Variants in IL5RA observed in about 807,000 individuals in gnomAD.
IL5RA encodes the protein interleukin-5 receptor subunit alpha.
Under a neutral mutation model 50.0 loss-of-function variants are expected in IL5RA, and 49 were observed. That is an observed-to-expected ratio of 0.98 (90% CI 0.78 to 1.24). The LOEUF (loss-of-function observed/expected upper bound fraction) is 1.24, where lower values mean the gene tolerates loss of function less well. Ranked by LOEUF, IL5RA falls within the 50% of genes most tolerant of loss-of-function variation. The pLI, the probability that IL5RA is intolerant of heterozygous loss-of-function variation, is 0.00. For synonymous variants in IL5RA, 202 were observed against 174.0 expected (o/e 1.16, Z -1.26); for missense variants, 600 against 500.4 (o/e 1.20, Z -1.90).
At position 3,101,738 on chromosome 3, in the gene IL5RA, T is replaced by C. The variant is rs775023888; in HGVS notation, c.321A>G (p.Ser107=). Residue 107 remains serine (S), a synonymous_variant, in exon 5 of 12, where the codon TCA becomes TCG. Transcript: ENST00000446632. ...SVRTILQNDH[S]LLASSWASAE... ...CAGAAGCCCAGCTGCTGGCCAGTAG[T>C]GAGTGGTCGTTCTGCAGGATGGTCC... The C allele has an allele frequency of 1.2e-5, 19 of 1,614,166 alleles. No homozygotes were observed. Among genetic ancestry groups the C allele is most frequent in the Non-Finnish European group, 1.6e-5 (19 of 1,179,992 alleles).
At chr3:3,095,811 C>T (rs1703335108) in intron 7 of IL5RA, among the ~76,000 whole-genome samples, 1 of 152,108 alleles carries the variant, frequency 6.6e-6, no homozygotes, top group South Asian at 2.1e-4. Flanking sequence ...GAACATTTCC[C>T]TGGACCTTCC....
chr3:3,077,037 C>G (rs1337717252), intron 9 of IL5RA, among the ~76,000 whole-genome samples: 2 of 152,126 alleles, frequency 1.3e-5, no homozygotes, highest in Non-Finnish European at 2.9e-5. Context: ...GCATCACAAT[C>G]AAAATACAAA....
intron 10 of IL5RA, among the ~76,000 whole-genome samples, chr3:3,075,863 G>C (rs997719903): frequency 6.6e-6 from 1 of 152,144 alleles, no homozygotes; most frequent in African/African-American, 2.4e-5. Flanking sequence ...GCCTCCCAAA[G>C]TGCTGGGATT....
intron 10 of IL5RA, among the ~76,000 whole-genome samples, chr3:3,075,212 T>TTC (rs1475794450): frequency 6.9e-6 from 1 of 144,500 alleles, no homozygotes; most frequent in African/African-American, 2.6e-5. Context: ...ACTTTTTTTT[T>TTC]TTTTTTTTTT....
chr3:3,103,203 C>T (rs1167077736), intron 3 of IL5RA, among the ~76,000 whole-genome samples: 3 of 152,192 alleles, frequency 2.0e-5, no homozygotes, highest in African/African-American at 7.2e-5. Context: ...TTCTTCAAAA[C>T]TGTTTTTAAT....
intron 7 of IL5RA, among the ~76,000 whole-genome samples, chr3:3,095,671 A>G (rs1053012501): frequency 6.6e-6 from 1 of 152,120 alleles, no homozygotes; most frequent in Non-Finnish European, 1.5e-5. Flanking sequence ...TGGAAACTAC[A>G]AGGATTACTA....
intron 11 of IL5RA, among the ~76,000 whole-genome samples, chr3:3,074,024 CA>C (rs1702391027): frequency 3.3e-5 from 5 of 152,262 alleles, no homozygotes; most frequent in South Asian, 4.1e-4. Context: ...ACAGAAATGC[CA>C]AGGCAATTCA....
At chr3:3,104,765 C>T in intron 3 of IL5RA, 138 bp downstream of exon 3, 1 of 498,140 alleles carries the variant, frequency 2.0e-6, no homozygotes, top group Non-Finnish European at 3.6e-6. Context: ...AAGCATCTGT[C>T]TTCTGATGGG....
chr3:3,098,343 T>G (rs1703462769), intron 5 of IL5RA, 53 bp from the exon 6 acceptor site: 2 of 1,495,858 alleles, frequency 1.3e-6, no homozygotes, highest in South Asian at 2.3e-5. Flanking sequence ...AACTCTGAAT[T>G]TCATGCTTCT....
intron 2 of IL5RA, among the ~76,000 whole-genome samples, chr3:3,107,073 T>G (rs1703957874): frequency 6.6e-6 from 1 of 152,116 alleles, no homozygotes; most frequent in Admixed American, 6.6e-5. Context: ...AATAGAATTG[T>G]TTTTCAAATT....
rs1702235588 is a variant in IL5RA, at chr3:3,069,736, C to T, written c.*489G>A. The T allele has an allele frequency of 6.5e-6, 1 of 154,022 alleles. No homozygotes were observed. Among genetic ancestry groups the T allele is most frequent in the Non-Finnish European group, 1.4e-5 (1 of 69,382 alleles). The allele number at this position is 154,022 out of a possible 1,614,324, so 9.5% of individuals were successfully genotyped here. On this transcript the variant is annotated 3_prime_UTR_variant, in exon 12 of 12. Transcript: ENST00000446632. ...GGGGGTGAGGAATTTGTGGCTCTCA[C>T]TTGCTATAGAAAAGACAGTCTTGAA...
chr3:3,101,627 T>C, intron 5 of IL5RA, 65 bp downstream of exon 5: 1 of 1,547,848 alleles, frequency 6.5e-7, no homozygotes, highest in Non-Finnish European at 8.8e-7. Context: ...AGTGTTAATT[T>C]TTCTACTTTT....
rs1559861683 is a variant in IL5RA at position 3,076,680 on chromosome 3, G to A, written c.995-53C>T. 7.5e-6 allele frequency: 9 copies of A among 1,196,310 alleles called. No individual in the cohort carries two copies. In the East Asian group the frequency reaches 1.4e-4, roughly 19 times the overall value. 74.1% of individuals were successfully genotyped at this position (1,196,310 alleles called of 1,614,324 possible). ...AAATATAAAGTCCAAGTTAGAAGCA[G>A]CAGGTAAAAGAAATGATGAGGCTTG... On this transcript the variant is annotated intron_variant, in intron 9 of 11. Transcript: ENST00000446632.
At chr3:3,090,635 C>T (rs560794750) in intron 9 of IL5RA, among the ~76,000 whole-genome samples, 35 of 143,230 alleles carry the variant, frequency 2.4e-4, no homozygotes, top group Non-Finnish European at 4.3e-4. Context: ...GGTGCGATCT[C>T]GGCTCACTGC....
chr3:3,104,561 CA>C (rs749231992), intron 3 of IL5RA, among the ~76,000 whole-genome samples: 28 of 147,424 alleles, frequency 1.9e-4, no homozygotes, highest in Non-Finnish European at 3.5e-4. Context: ...GGACAAAATG[CA>C]GTGGAAGTTT....
At chr3:3,086,792 T>G (rs549696849) in intron 9 of IL5RA, among the ~76,000 whole-genome samples, 1 of 152,176 alleles carries the variant, frequency 6.6e-6, no homozygotes, top group African/African-American at 2.4e-5. Flanking sequence ...CATTCACAAT[T>G]GCAAAGATAT....
chr3:3,073,376 G>A (rs77584387), intron 11 of IL5RA, among the ~76,000 whole-genome samples: 2,134 of 152,242 alleles, frequency 0.014, 24 homozygotes, highest in Non-Finnish European at 0.022. Context: ...CTACAGCCGC[G>A]GGCCAAATCT....
intron 9 of IL5RA, among the ~76,000 whole-genome samples, chr3:3,085,635 A>G (rs189860319): frequency 6.6e-6 from 1 of 152,178 alleles, no homozygotes; most frequent in African/African-American, 2.4e-5. Flanking sequence ...GGACAAAGGT[A>G]CCAAGTCACC....
In IL5RA at chr3:3,088,284, G is replaced by A. The variant is rs1002338202; in HGVS notation, c.994+3940C>T. On this transcript the variant is annotated intron_variant, in intron 9 of 11. Coordinates refer to ENST00000446632, the MANE Select transcript of IL5RA (RefSeq NM_175726.4). Reference sequence around the variant, plus strand: ...GTGAATGTGAATGGCAGAGGTGGAAGCAGGTTTGTAGTGCAGCACTTATAT... The same window carrying A: ...GTGAATGTGAATGGCAGAGGTGGAAACAGGTTTGTAGTGCAGCACTTATAT... 2.6e-5 allele frequency among the ~76,000 whole-genome samples: 4 copies of A among 152,214 alleles called. No individual in the cohort carries two copies. In the South Asian group the frequency reaches 8.3e-4, roughly 32 times the overall value.
Sources: allele counts gnomAD v4.1 joint callset (sites outside exome capture counted in the v4.1 genomes callset), GRCh38; gene constraint gnomAD v4.1.1; transcripts MANE v1.5; gene names NCBI Gene and HGNC (gene_info 2026-07-23, HGNC 2026-07-21).